Variants in RIPOR3 observed in about 807,000 individuals in gnomAD.
RIPOR3 encodes family with sequence similarity 65 member C.
Under a neutral mutation model 114.3 loss-of-function variants are expected in RIPOR3, and 95 were observed. The ratio of observed to expected loss-of-function variants is 0.83; its 90% CI spans 0.70 to 0.99. RIPOR3 has a LOEUF of 0.99. Among genes scored for constraint, RIPOR3 ranks in the 50% least tolerant of loss-of-function variants. RIPOR3 has a pLI of 0.00. For missense variants in RIPOR3, 1,252 were observed against 1,266.9 expected, an observed-to-expected ratio of 0.99 and a Z score of 0.18; for synonymous variants, 575 against 543.8, an observed-to-expected ratio of 1.06 and a Z score of -0.80.
At chr20:50,673,590 C>T (rs549081515) in intron 1 of RIPOR3, among the ~76,000 whole-genome samples, 1 of 152,268 alleles carries the variant, frequency 6.6e-6, no homozygotes, top group Admixed American at 6.5e-5. Context: ...TCATGGCTGT[C>T]AGAGGCTCCT....
intron 1 of RIPOR3, among the ~76,000 whole-genome samples, chr20:50,641,792 G>A (rs922804991): frequency 2.0e-5 from 3 of 152,180 alleles, no homozygotes; most frequent in Non-Finnish European, 2.9e-5. Context: ...TCCCAGTTCC[G>A]CATGGCCACT....
chr20:50,589,795 T>A, intron 19 of RIPOR3, 26 bp from the exon 20 acceptor site: 1 of 1,604,940 alleles, frequency 6.2e-7, no homozygotes, highest in African/African-American at 1.3e-5. Context: ...AGGCTGTGAA[T>A]GGAGGGGTAA....
intron 1 of RIPOR3, among the ~76,000 whole-genome samples, chr20:50,656,034 G>A (rs966724376): frequency 1.3e-5 from 2 of 151,232 alleles, no homozygotes; most frequent in African/African-American, 2.4e-5. Flanking sequence ...TTGAGACGGA[G>A]TCTCACTGTT....
In RIPOR3 at chr20:50,665,713, C is replaced by T. The variant is rs112229941; in HGVS notation, c.3+25413G>A. ...GGGACTACAGGCATGAGCCACTGTG[C>T]CTGCCGGGTGGGTTTCTTATGGCGA... is the stretch of plus-strand genomic sequence containing the variant. On this transcript the variant is annotated intron_variant, in intron 1 of 21. Transcript: ENST00000327979. Among the ~76,000 whole-genome samples the T allele has an allele frequency of 6.8e-3, 1,034 of 152,182 alleles. 22 individuals are homozygous for T. The highest frequency in any genetic ancestry group is 0.023 in the African/African-American group (970 of 41,522).
chr20:50,596,156 C>T lies in RIPOR3; in HGVS notation c.1898G>A (p.Cys633Tyr). ...DVLLMVHLQVCKALLQKLASP... is the reference protein window; with the variant it reads ...DVLLMVHLQVYKALLQKLASP... ...CCCAGCCACCTGCAGCAGAGCTTTG[C>T]AGACTTGGAGGTGTACCATCAGCAG... The change falls in exon 15 of 22, where the codon TGC becomes TAC. Residue 633 changes from cysteine (C) to tyrosine (Y), a missense_variant. By Grantham distance (194) the Cys-to-Tyr change is radical. Coordinates refer to ENST00000327979, the MANE Select transcript of RIPOR3 (RefSeq NM_001290268.2). The T allele has an allele frequency of 6.2e-7, 1 of 1,614,188 alleles. No homozygotes were observed. Among genetic ancestry groups the T allele is most frequent in the Non-Finnish European group, 8.5e-7 (1 of 1,180,032 alleles).
chr20:50,654,427 T>TG (rs1475876781), intron 1 of RIPOR3, among the ~76,000 whole-genome samples: 6 of 125,668 alleles, frequency 4.8e-5, no homozygotes, highest in African/African-American at 1.6e-4. Context: ...GCAGAGTTTT[T>TG]TTTTTTTTTT....
Position 50,597,683 on chromosome 20 carries a change from A to C in RIPOR3, c.1687T>G (p.Ser563Ala), listed in dbSNP as rs779431620. The change falls in exon 14 of 22, where the codon TCG becomes GCG. Residue 563 changes from serine to alanine, a missense_variant. Ser to Ala is a moderately conservative substitution (Grantham distance 99). Coordinates refer to ENST00000327979, the MANE Select transcript of RIPOR3 (RefSeq NM_001290268.2). ...ATGCACTCCATCAGGCTCTCGGCCG[A>C]GGTGTGCTCCTGCCGTGCTCTGCAG... ...KPCRARQEHT[S>A]AESLMECILE... 2 of 1,611,960 alleles carry C rather than the reference A, an allele frequency of 1.2e-6. No homozygotes were observed. The highest frequency in any genetic ancestry group is 1.3e-5 in the African/African-American group (1 of 74,988).
At chr20:50,597,890 C>G (rs2083354777) in intron 13 of RIPOR3, among the ~76,000 whole-genome samples, 180 bp from the exon 14 acceptor site, 1 of 152,222 alleles carries the variant, frequency 6.6e-6, no homozygotes, top group Non-Finnish European at 1.5e-5. Flanking sequence ...GCGTGTCACC[C>G]CCCAAAGTCC....
In RIPOR3 at chr20:50,674,216, A is replaced by G. The variant is rs972616031; in HGVS notation, c.3+16910T>C. On this transcript the variant is annotated intron_variant, in intron 1 of 21. Coordinates refer to ENST00000327979, the MANE Select transcript of RIPOR3 (RefSeq NM_001290268.2). ...GTACAGCCGACTCCAAGCTCTTGGGATGGGATTGGAGGGTCTCAAAACCTT... is the reference window on the plus strand; with the variant it reads ...GTACAGCCGACTCCAAGCTCTTGGGGTGGGATTGGAGGGTCTCAAAACCTT... Among the ~76,000 whole-genome samples the G allele has an allele frequency of 2.9e-4, 44 of 152,072 alleles. 1 individual carries two copies. Among genetic ancestry groups the G allele is most frequent in the African/African-American group, 1.0e-3 (43 of 41,414 alleles).
chr20:50,666,645 A>G (rs1600723930), intron 1 of RIPOR3, among the ~76,000 whole-genome samples: 1 of 147,448 alleles, frequency 6.8e-6, no homozygotes, highest in African/African-American at 2.5e-5. Context: ...GCTCACTGCA[A>G]CCTCTGCTGG....
chr20:50,617,466 C>T (rs1186267716), intron 3 of RIPOR3, among the ~76,000 whole-genome samples: 3 of 152,048 alleles, frequency 2.0e-5, no homozygotes, highest in African/African-American at 7.2e-5. Flanking sequence ...GCAGCCTCCA[C>T]CTCTACAGGA....
chr20:50,608,069 G>T (rs1413094785), intron 11 of RIPOR3, among the ~76,000 whole-genome samples: 1 of 152,040 alleles, frequency 6.6e-6, no homozygotes, highest in East Asian at 1.9e-4. Flanking sequence ...AGCAAGGAGG[G>T]CCTTCCTGGA....
chr20:50,648,034 G>A (rs2085475576), intron 1 of RIPOR3, among the ~76,000 whole-genome samples: 1 of 151,896 alleles, frequency 6.6e-6, no homozygotes, highest in Non-Finnish European at 1.5e-5. Flanking sequence ...CTAGCATTTT[G>A]GGAGGCCAAG....
At chr20:50,675,013 G>A (rs978251742) in intron 1 of RIPOR3, among the ~76,000 whole-genome samples, 1 of 152,116 alleles carries the variant, frequency 6.6e-6, no homozygotes, top group Non-Finnish European at 1.5e-5. Flanking sequence ...AGGAGTTTGA[G>A]GCTGCAGTGA....
intron 4 of RIPOR3, among the ~76,000 whole-genome samples, chr20:50,615,147 T>TGTGTGTGTGTGTGTGTG (rs1230296372): frequency 2.8e-5 from 1 of 36,102 alleles, no homozygotes; most frequent in African/African-American, 1.4e-4. Context: ...GTGTGTGTGT[T>TGTGTGTGTGTGTGTGTG]GCTAAGTCGG....
intron 4 of RIPOR3, among the ~76,000 whole-genome samples, chr20:50,614,219 A>G (rs1177609734): frequency 1.3e-5 from 2 of 152,026 alleles, no homozygotes; most frequent in Non-Finnish European, 2.9e-5. Context: ...TATTTTTAGT[A>G]CAGATGGGGT....
intron 2 of RIPOR3, among the ~76,000 whole-genome samples, chr20:50,626,174 C>T (rs2084612200): frequency 6.6e-6 from 1 of 152,370 alleles, no homozygotes; most frequent in Non-Finnish European, 1.5e-5. Flanking sequence ...AGGGTTCAGA[C>T]CCCAGGGAGC....
chr20:50,671,590 CACTCATTAGCT>C (rs1388364671), intron 1 of RIPOR3, among the ~76,000 whole-genome samples: 3 of 152,230 alleles, frequency 2.0e-5, no homozygotes, highest in Non-Finnish European at 2.9e-5. Flanking sequence ...CTAATACAGC[CACTCATTAGCT>C]CTGCCCTCAG....
At chr20:50,674,907 A>T (rs952626551) in intron 1 of RIPOR3, among the ~76,000 whole-genome samples, 39 of 151,954 alleles carry the variant, frequency 2.6e-4, no homozygotes, top group Non-Finnish European at 1.5e-4. Flanking sequence ...ACATAGCAAG[A>T]CCCCATCTCT....
Sources: allele counts gnomAD v4.1 joint callset (sites outside exome capture counted in the v4.1 genomes callset), GRCh38; gene constraint gnomAD v4.1.1; transcripts MANE v1.5; gene names NCBI Gene and HGNC (gene_info 2026-07-23, HGNC 2026-07-21).